Variants in BRI3 observed in about 807,000 individuals in gnomAD.
BRI3 encodes the protein membrane protein BRI3.
BRI3 carries 6 observed loss-of-function variants against 12.8 expected under a neutral mutation model. The observed-to-expected ratio is 0.47, with a 90% CI of 0.26 to 0.93. BRI3 has a LOEUF of 0.93. Ranked by LOEUF, BRI3 falls within the 40% of genes least tolerant of loss-of-function variation. The probability of loss-of-function intolerance (pLI) is 0.15; values close to 1 mark genes in which losing one functional copy is unlikely to be tolerated. For synonymous variants in BRI3, 91 were observed against 76.1 expected, an observed-to-expected ratio of 1.20 and a Z score of -1.02; for missense variants, 134 against 171.1, an observed-to-expected ratio of 0.78 and a Z score of 1.21.
At chr7:98,283,358 C>T (rs886096982) in intron 2 of BRI3, among the ~76,000 whole-genome samples, 3 of 152,076 alleles carry the variant, frequency 2.0e-5, no homozygotes, top group Non-Finnish European at 4.4e-5. Context: ...AGAGCCTTAG[C>T]AGGCAACTTC....
upstream of BRI3, among the ~76,000 whole-genome samples, chr7:98,302,441 A>G (rs1031861882): frequency 6.6e-6 from 1 of 152,194 alleles, no homozygotes; most frequent in Non-Finnish European, 1.5e-5. Context: ...AGCTACTAAC[A>G]TCACAAAAAG....
chr7:98,301,656 G>A (rs1001364094), upstream of BRI3, among the ~76,000 whole-genome samples: 2 of 152,032 alleles, frequency 1.3e-5, no homozygotes, highest in Non-Finnish European at 2.9e-5. Flanking sequence ...GGAACCTGAA[G>A]ATGATGGTGT....
chr7:98,322,099 G>C, the BRI3 span, among the ~76,000 whole-genome samples: 4 of 151,870 alleles, frequency 2.6e-5, no homozygotes, highest in Non-Finnish European at 5.9e-5. Flanking sequence ...CTGTCTCCCC[G>C]CCCCCCAAAA....
intron 2 of BRI3, among the ~76,000 whole-genome samples, chr7:98,289,189 C>T (rs1207683584): frequency 6.6e-6 from 1 of 152,188 alleles, no homozygotes; most frequent in African/African-American, 2.4e-5. Flanking sequence ...AACTCCTGAC[C>T]TCAGGTCATC....
Position 98,281,700 on chromosome 7 carries a change from C to A in BRI3, c.-96C>A. On this transcript the variant is annotated 5_prime_UTR_variant, in exon 1 of 3. Coordinates refer to ENST00000297290, the MANE Select transcript of BRI3 (RefSeq NM_015379.5). ...GCGTCTGCCTCAGAGGGGCCCGAGCCACCCGGTCCGCCGCGTCCCCGCCGC... is the reference window on the plus strand; with the variant it reads ...GCGTCTGCCTCAGAGGGGCCCGAGCAACCCGGTCCGCCGCGTCCCCGCCGC... 1.7e-6 allele frequency: 1 copy of A among 581,786 alleles called. No homozygotes were observed. Among genetic ancestry groups the A allele is most frequent in the Non-Finnish European group, 2.2e-6 (1 of 463,350 alleles). The allele number at this position is 581,786 out of a possible 1,614,324, so 36.0% of individuals were successfully genotyped here.
At chr7:98,315,517 G>A in the BRI3 span, 2 of 1,522,322 alleles carry the variant, frequency 1.3e-6, no homozygotes, top group African/African-American at 1.4e-5. Flanking sequence ...CAACCAGAAA[G>A]CAGAAGCGCC....
chr7:98,282,157 A>C (rs1273425592), intron 1 of BRI3, among the ~76,000 whole-genome samples, 194 bp from the exon 2 acceptor site: 1 of 152,140 alleles, frequency 6.6e-6, no homozygotes, highest in Non-Finnish European at 1.5e-5. Context: ...TCCCTGCCCC[A>C]GATGAACTTT....
chr7:98,311,761 C>T (rs902849304), downstream of BRI3, among the ~76,000 whole-genome samples: 2 of 151,876 alleles, frequency 1.3e-5, no homozygotes, highest in East Asian at 3.9e-4. Flanking sequence ...CAAAAATTAG[C>T]CAGGCATGGT....
chr7:98,292,415 C>G, downstream of BRI3: 2 of 556,704 alleles, frequency 3.6e-6, no homozygotes, highest in African/African-American at 1.9e-5. Flanking sequence ...CTCAGGTGAT[C>G]CCCCTGCCTC....
At chr7:98,305,060 T>G (rs867977481), upstream of BRI3, among the ~76,000 whole-genome samples, 24 of 147,042 alleles carry the variant, frequency 1.6e-4, no homozygotes, top group South Asian at 4.4e-4. Flanking sequence ...TTTTTTTTTT[T>G]TTTTTTTTTT....
At chr7:98,297,570 T>C (rs769995117), downstream of BRI3, among the ~76,000 whole-genome samples, 1 of 152,208 alleles carries the variant, frequency 6.6e-6, no homozygotes, top group Non-Finnish European at 1.5e-5. Context: ...CACTGACACC[T>C]GTCTTCAGTG....
At position 98,287,934 on chromosome 7, in the gene BRI3, T is replaced by A. The variant is rs925224677; in HGVS notation, c.246-3177T>A. Among the ~76,000 whole-genome samples the A allele has an allele frequency of 3.3e-5, 5 of 152,264 alleles. No individual in the cohort carries two copies. The East Asian group carries it at 9.7e-4, about 30-fold the overall frequency. ...CATCTCTGGGCCTTTGAACAGGCAG[T>A]CAGCTCTGCCTGCAGCCCTGCCTCT... On this transcript the variant is annotated intron_variant, in intron 2 of 2. Transcript: ENST00000297290.
chr7:98,294,038 T>C (rs1439227603), downstream of BRI3: 29 of 1,609,684 alleles, frequency 1.8e-5, no homozygotes, highest in Admixed American at 4.8e-4. Context: ...AAGAGCAATG[T>C]CACACACTGA....
intron 1 of BRI3, among the ~76,000 whole-genome samples, chr7:98,300,235 C>T (rs1032758061): frequency 3.0e-5 from 4 of 134,020 alleles, no homozygotes; most frequent in African/African-American, 1.1e-4. Context: ...GGCTGTGAGG[C>T]CAGGAGGCCC....
At chr7:98,312,314 G>C (rs1420106579), downstream of BRI3, 1 of 1,543,674 alleles carries the variant, frequency 6.5e-7, no homozygotes, top group Non-Finnish European at 8.7e-7. Context: ...TGTCTGAAGA[G>C]CTGAGAAAAA....
downstream of BRI3, among the ~76,000 whole-genome samples, chr7:98,310,803 C>T (rs554456360): frequency 4.6e-5 from 7 of 152,110 alleles, no homozygotes; most frequent in African/African-American, 1.7e-4. Context: ...TCTTGTGCCT[C>T]AGCCTCTTGA....
chr7:98,284,099 A>G (rs1406863542), intron 2 of BRI3, among the ~76,000 whole-genome samples: 1 of 152,118 alleles, frequency 6.6e-6, no homozygotes, highest in Non-Finnish European at 1.5e-5. Flanking sequence ...CGGCCCTCAG[A>G]GGCTGTAGGG....
At position 98,291,365 on chromosome 7, in the gene BRI3, G is replaced by A. The variant is rs1799946293; in HGVS notation, c.*122G>A. 1 of 1,508,050 alleles carries A rather than the reference G, an allele frequency of 6.6e-7. No individual in the cohort carries two copies. Among genetic ancestry groups the A allele is most frequent in the Non-Finnish European group, 8.9e-7 (1 of 1,127,682 alleles). The allele number at this position is 1,508,050 out of a possible 1,614,324, so 93.4% of individuals were successfully genotyped here. ...TTGTAAAGCGAGGTGGGACCGATGT[G>A]GCACACGCCAGCTGCGGTTTCCCGG... On this transcript the variant is annotated 3_prime_UTR_variant, in exon 3 of 3. Transcript: ENST00000297290.
chr7:98,321,730 C>T, the BRI3 span, among the ~76,000 whole-genome samples: 1 of 152,132 alleles, frequency 6.6e-6, no homozygotes, highest in African/African-American at 2.4e-5. Flanking sequence ...CCACCGTTAC[C>T]ACCACCATCA....
Sources: allele counts gnomAD v4.1 joint callset (sites outside exome capture counted in the v4.1 genomes callset), GRCh38; gene constraint gnomAD v4.1.1; transcripts MANE v1.5; gene names NCBI Gene and HGNC (gene_info 2026-07-23, HGNC 2026-07-21).